The following SUCLA2 variants were observed in gnomAD, a reference collection of about 807,000 sequenced individuals.
SUCLA2 encodes succinate--CoA ligase [ADP-forming] subunit beta, mitochondrial.
A neutral mutation model predicts 54.8 loss-of-function variants in SUCLA2; 30 were observed. The ratio of observed to expected loss-of-function variants is 0.55; its 90% CI spans 0.41 to 0.74. The LOEUF (loss-of-function observed/expected upper bound fraction) is 0.74. SUCLA2 is among the 30% of genes least tolerant of loss of function. The pLI is 0.00. For synonymous variants in SUCLA2, 172 were observed against 188.9 expected, an observed-to-expected ratio of 0.91 and a Z score of 0.74; for missense variants, 476 against 562.9, an observed-to-expected ratio of 0.85 and a Z score of 1.56.
At chr13:47,989,974 C>G (rs990916959) in intron 2 of SUCLA2, among the ~76,000 whole-genome samples, 1 of 152,160 alleles carries the variant, frequency 6.6e-6, no homozygotes, top group African/African-American at 2.4e-5. Context: ...ACTATTTATC[C>G]CTTTTCCTCT....
At chr13:47,987,367 G>A (rs1014784867) in intron 4 of SUCLA2, among the ~76,000 whole-genome samples, 3 of 152,038 alleles carry the variant, frequency 2.0e-5, no homozygotes, top group East Asian at 1.9e-4. Context: ...GACAGATGCC[G>A]ATATATAATG....
chr13:47,988,855 G>T, intron 3 of SUCLA2, 27 bp downstream of exon 3: 1 of 1,602,340 alleles, frequency 6.2e-7, no homozygotes, highest in South Asian at 1.1e-5. Flanking sequence ...TAACAAGGAT[G>T]ATTTTTCCTT....
chr13:47,972,873 G>A (rs1364514097), intron 5 of SUCLA2, among the ~76,000 whole-genome samples: 2 of 147,200 alleles, frequency 1.4e-5, no homozygotes, highest in African/African-American at 5.0e-5. Flanking sequence ...TCAGCCTCCC[G>A]AGTAGCTGGG....
At position 47,988,967 on chromosome 13, in the gene SUCLA2, C is replaced by T. The variant is rs1269468843; in HGVS notation, c.286G>A (p.Val96Met). ...CCAGCTAAAACCTGTGCCTTTATCA[C>T]GACATCTTTTGAACCTAGAAGAAAA... Reference protein sequence around the residue: ...IAKKLGSKDVVIKAQVLAGGR... With the variant: ...IAKKLGSKDVMIKAQVLAGGR... Residue 96 changes from valine (V) to methionine (M), a missense_variant, in exon 3 of 11, where the codon GTG becomes ATG. Coordinates refer to ENST00000646932, the MANE Select transcript of SUCLA2 (RefSeq NM_003850.3). 9 of 1,613,394 alleles carry T rather than the reference C, an allele frequency of 5.6e-6. No individual in the cohort carries two copies. The highest frequency in any genetic ancestry group is 2.7e-5 in the African/African-American group (2 of 74,898).
At position 47,996,903 on chromosome 13, in the gene SUCLA2, C is replaced by T. The variant is rs773605545; in HGVS notation, c.211G>A (p.Val71Ile). ...MELLQEAGVS[V>I]PKGYVAKSPD... ...GACTTTGCCACATATCCTTTGGGAA[C>T]GGAGACACCAGCTTCTTGCAATAAT... The change falls in exon 2 of 11, where the codon GTT becomes ATT. Residue 71 changes from valine to isoleucine, a missense_variant. Val to Ile is a conservative substitution (Grantham distance 29). Transcript: ENST00000646932. 1.3e-5 allele frequency: 21 copies of T among 1,613,972 alleles called. No homozygotes were observed. The highest frequency in any genetic ancestry group is 1.2e-4 in the South Asian group (11 of 91,080).
chr13:47,980,342 G>A (rs1950051056), intron 4 of SUCLA2, among the ~76,000 whole-genome samples: 1 of 152,024 alleles, frequency 6.6e-6, no homozygotes, highest in African/African-American at 2.4e-5. Flanking sequence ...GTGAACCCGG[G>A]AAATGCAGGT....
At chr13:47,969,658 C>T (rs960411105) in intron 5 of SUCLA2, among the ~76,000 whole-genome samples, 1 of 152,078 alleles carries the variant, frequency 6.6e-6, no homozygotes, top group Admixed American at 6.5e-5. Context: ...GCTCAGGAAC[C>T]CTATAGAGAA....
intron 5 of SUCLA2, 95 bp downstream of exon 5, chr13:47,973,169 A>T: frequency 1.8e-6 from 2 of 1,112,024 alleles, no homozygotes; most frequent in Non-Finnish European, 2.7e-6. Context: ...CAAAATGTTT[A>T]AATAAGTTTT....
intron 6 of SUCLA2, among the ~76,000 whole-genome samples, chr13:47,962,394 G>A (rs1949877532): frequency 6.6e-6 from 1 of 152,166 alleles, no homozygotes; most frequent in Non-Finnish European, 1.5e-5. Context: ...TATTTTCCTA[G>A]GACTTTGACT....
At chr13:47,996,129 C>G (rs1048533629) in intron 2 of SUCLA2, among the ~76,000 whole-genome samples, 4 of 151,858 alleles carry the variant, frequency 2.6e-5, no homozygotes, top group African/African-American at 9.7e-5. Flanking sequence ...CAAGACCAGC[C>G]TGGCCAACAT....
chr13:47,980,953 A>G (rs572364274), intron 4 of SUCLA2, among the ~76,000 whole-genome samples: 1 of 152,116 alleles, frequency 6.6e-6, no homozygotes, highest in East Asian at 1.9e-4. Context: ...TACTCAAAAT[A>G]GATTAAAGAC....
At chr13:47,953,385 TATAGAA>T (rs758037705) in intron 8 of SUCLA2, among the ~76,000 whole-genome samples, 5 of 152,204 alleles carry the variant, frequency 3.3e-5, no homozygotes, top group Non-Finnish European at 5.9e-5. Context: ...CAAAAGAAGC[TATAGAA>T]ATATAGTTCT....
At chr13:47,944,358 A>G (rs1056667088) in intron 10 of SUCLA2, among the ~76,000 whole-genome samples, 3 of 152,164 alleles carry the variant, frequency 2.0e-5, no homozygotes, top group Non-Finnish European at 4.4e-5. Flanking sequence ...TATGACTTCT[A>G]TAATCTCCCA....
At chr13:47,997,979 A>T (rs1182133499) in intron 1 of SUCLA2, among the ~76,000 whole-genome samples, 1 of 152,236 alleles carries the variant, frequency 6.6e-6, no homozygotes, top group Non-Finnish European at 1.5e-5. Context: ...AGAACCCTAC[A>T]GTTATGAGAA....
chr13:47,981,554 T>C (rs759511264), intron 4 of SUCLA2, among the ~76,000 whole-genome samples: 1 of 152,178 alleles, frequency 6.6e-6, no homozygotes, highest in Non-Finnish European at 1.5e-5. Flanking sequence ...AGTGGGCTCA[T>C]GCCTGTATTC....
rs996879938 is a variant in SUCLA2 at position 47,988,602 on chromosome 13, C to T, written c.473G>A (p.Cys158Tyr). 1.9e-5 allele frequency: 30 copies of T among 1,613,818 alleles called. No individual in the cohort carries two copies. The Admixed American group carries it at 4.2e-4, about 22-fold the overall frequency. Residue 158 changes from cysteine (C) to tyrosine (Y), a missense_variant, in exon 4 of 11, where the codon TGT becomes TAT. This residue lies in a region of SUCLA2 where 342 missense variants were observed against 444.2 expected (regional missense o/e 0.77). Transcript: ENST00000646932. ...KGRICNQVLV[C>Y]ERKYPRREYY... ...TTCTCTCCTGGGATATTTTCGCTCACAGACCAATACTTGATTGCATATTCT... is the reference window on the plus strand; with the variant it reads ...TTCTCTCCTGGGATATTTTCGCTCATAGACCAATACTTGATTGCATATTCT...
chr13:47,961,566 A>G (rs1178195403), intron 6 of SUCLA2, among the ~76,000 whole-genome samples: 1 of 152,198 alleles, frequency 6.6e-6, no homozygotes, highest in Non-Finnish European at 1.5e-5. Flanking sequence ...CAAGAGAGAT[A>G]TATCAGGCTT....
intron 6 of SUCLA2, among the ~76,000 whole-genome samples, chr13:47,957,102 T>C (rs1318713465): frequency 6.6e-6 from 1 of 152,182 alleles, no homozygotes; most frequent in Non-Finnish European, 1.5e-5. Context: ...ATCCAGACAA[T>C]GAGACTAGAC....
In SUCLA2 at chr13:47,949,015, ATC is replaced by A; in HGVS notation, c.1240_1241del (p.Asp414Ter). The part of the protein sequence containing the change: ...VVVRLQGTRV[D>X]DAKALIADSG... The stretch of plus-strand genomic sequence containing the variant: ...TGTCCGCTATCAGTGCCTTAGCATC[ATC>A]GACTCGTGTACCTGTAAATGATTTA... On this transcript the variant is annotated frameshift_variant, in exon 10 of 11. Coordinates refer to ENST00000646932, the MANE Select transcript of SUCLA2 (RefSeq NM_003850.3). LOFTEE classifies it high-confidence loss of function. The A allele has an allele frequency of 6.2e-7, 1 of 1,613,756 alleles. No individual in the cohort carries two copies. The highest frequency in any genetic ancestry group is 8.5e-7 in the Non-Finnish European group (1 of 1,179,714).
Sources: allele counts gnomAD v4.1 joint callset (sites outside exome capture counted in the v4.1 genomes callset), GRCh38; gene constraint gnomAD v4.1.1; regional missense constraint gnomAD v4.1.1; transcripts MANE v1.5; gene names NCBI Gene and HGNC (gene_info 2026-07-23, HGNC 2026-07-21).